The following ZNF799 variants were observed in gnomAD, a reference collection of about 807,000 sequenced individuals.
ZNF799 encodes the protein zinc finger protein 799.
Under a neutral mutation model 41.0 loss-of-function variants are expected in ZNF799, and 28 were observed. That is an observed-to-expected ratio of 0.68 (90% CI 0.51 to 0.94). ZNF799 has a LOEUF of 0.94. ZNF799 is among the 40% of genes least tolerant of loss of function. The pLI is 0.00. For missense variants in ZNF799, 716 were observed against 764.3 expected (o/e 0.94, Z 0.74); for synonymous variants, 213 against 252.9 (o/e 0.84, Z 1.50).
Position 12,391,437 on chromosome 19 carries a change from G to C in ZNF799, c.961C>G (p.Leu321Val), listed in dbSNP as rs760744028. 3 of 1,613,730 alleles carry C rather than the reference G, an allele frequency of 1.9e-6. No individual in the cohort carries two copies. The African/African-American group carries it at 4.0e-5, about 22-fold the overall frequency. Residue 321 changes from leucine (L) to valine (V), a missense_variant, in exon 4 of 4, where the codon CTG becomes GTG. Coordinates refer to ENST00000430385, the MANE Select transcript of ZNF799 (RefSeq NM_001080821.3). The part of the protein sequence containing the change: ...CQQCGKAFHH[L>V]GSFQRHMVMH... The stretch of plus-strand genomic sequence containing the variant: ...ACCATGTGTCTTTGAAAGCTTCCCA[G>C]ATGATGAAACGCTTTCCCACATTGC...
chr19:12,395,085 G>A (rs140160933), intron 1 of ZNF799: 2,633 of 155,246 alleles, frequency 0.017, 39 homozygotes, highest in Non-Finnish European at 0.026. Flanking sequence ...GCAAATTATT[G>A]CCTTGCATTT....
chr19:12,392,136 G>C lies in ZNF799; in HGVS notation c.262C>G (p.Gln88Glu). 1 of 1,613,266 alleles carries C rather than the reference G, an allele frequency of 6.2e-7. No individual in the cohort carries two copies. The highest frequency in any genetic ancestry group is 8.5e-7 in the Non-Finnish European group (1 of 1,179,530). ...TQCGETSSQIQDSIVTKNTLP... is the reference protein window; with the variant it reads ...TQCGETSSQIEDSIVTKNTLP... The stretch of plus-strand genomic sequence containing the variant: ...GTGTTCTTGGTCACAATACTATCTT[G>C]AATCTGGCTAGATGTTTCTCCACAT... The change falls in exon 4 of 4, where the codon CAA becomes GAA. Residue 88 changes from glutamine to glutamate, a missense_variant. Gln to Glu is a conservative substitution (Grantham distance 29). Around this residue, in one of 2 missense-constraint regions of ZNF799, gnomAD observed 698 missense variants for 713.6 expected, o/e 0.98. Transcript: ENST00000430385.
chr19:12,412,754 C>A, the ZNF799 span, among the ~76,000 whole-genome samples: 1 of 151,842 alleles, frequency 6.6e-6, no homozygotes, highest in African/African-American at 2.4e-5. Flanking sequence ...ACAATCTTAT[C>A]CTGGGCTGGG....
chr19:12,399,123 C>G (rs1318637118), intron 1 of ZNF799, among the ~76,000 whole-genome samples: 12 of 152,152 alleles, frequency 7.9e-5, no homozygotes, highest in Non-Finnish European at 1.6e-4. Flanking sequence ...GTAAACATAT[C>G]TTTTCAAGCT....
the ZNF799 span, among the ~76,000 whole-genome samples, chr19:12,406,576 G>A: frequency 4.0e-4 from 60 of 151,454 alleles, no homozygotes; most frequent in Non-Finnish European, 1.3e-4. Context: ...AAGAAAACCA[G>A]AAAACAGATG....
intron 1 of ZNF799, 155 bp downstream of exon 1, chr19:12,400,913 C>T (rs1264849690): frequency 1.4e-6 from 2 of 1,385,772 alleles, no homozygotes; most frequent in Non-Finnish European, 2.0e-6. Flanking sequence ...CATGCCCAGC[C>T]CCACCCTGCG....
chr19:12,392,755 G>C, intron 2 of ZNF799, 92 bp from the exon 3 acceptor site: 1 of 1,003,758 alleles, frequency 1.0e-6, no homozygotes, highest in Non-Finnish European at 1.5e-6. Context: ...CGTTCAAAAT[G>C]CATTCACTGA....
At position 12,390,715 on chromosome 19, in the gene ZNF799, C is replaced by T. The variant is rs560404164; in HGVS notation, c.1683G>A (p.Glu561=). Residue 561 remains glutamate, a synonymous_variant, in exon 4 of 4, where the codon GAG becomes GAA. Coordinates refer to ENST00000430385, the MANE Select transcript of ZNF799 (RefSeq NM_001080821.3). ...TGAAGGCTTTACCACATTGTTGACA[C>T]TCATAGGGTTTCTCTCTCATGTGAA... ...ERIHMREKPY[E]CQQCGKAFTH... The T allele has an allele frequency of 2.8e-5, 45 of 1,613,508 alleles. No homozygotes were observed. The Admixed American group carries it at 3.8e-4, about 14-fold the overall frequency.
Position 12,391,211 on chromosome 19 carries a change from T to C in ZNF799, c.1187A>G (p.Lys396Arg), listed in dbSNP as rs2144884020. 6.2e-7 allele frequency: 1 copy of C among 1,614,208 alleles called. No individual in the cohort carries two copies. The highest frequency in any genetic ancestry group is 1.7e-5 in the Admixed American group (1 of 60,026). Reference protein sequence around the residue: ...MHTGDGPHKCKICGKAFVYPS... With the variant: ...MHTGDGPHKCRICGKAFVYPS... ...ATAAACAAAGGCTTTCCCACATATC[T>C]TGCATTTGTGAGGTCCATCTCCAGT... The change falls in exon 4 of 4, where the codon AAG (lysine) becomes AGG (arginine). Residue 396 changes from lysine (K) to arginine (R), a missense_variant. Lys to Arg is a conservative substitution (Grantham distance 26). Around this residue, in one of 2 missense-constraint regions of ZNF799, gnomAD observed 698 missense variants for 713.6 expected, o/e 0.98. Coordinates refer to ENST00000430385, the MANE Select transcript of ZNF799 (RefSeq NM_001080821.3).
chr19:12,390,848 C>T lies in ZNF799; in HGVS notation c.1550G>A (p.Gly517Asp), dbSNP rs1408880392. The T allele has an allele frequency of 6.2e-7, 1 of 1,613,840 alleles. No individual in the cohort carries two copies. The highest frequency in any genetic ancestry group is 1.3e-5 in the African/African-American group (1 of 74,866). Residue 517 changes from glycine (G) to aspartate (D), a missense_variant, in exon 4 of 4, where the codon GGT (glycine) becomes GAT (aspartate). Transcript: ENST00000430385. The stretch of plus-strand genomic sequence containing the variant: ...AATTCTTTCATGTACTTTTAAGTTA[C>T]CAAAATGACTGAAGGCTTTCTTACA... ...NTCKKAFSHF[G>D]NLKVHERIHS...
the ZNF799 span, among the ~76,000 whole-genome samples, chr19:12,409,692 G>T: frequency 1.3e-5 from 2 of 152,164 alleles, no homozygotes; most frequent in African/African-American, 4.8e-5. Flanking sequence ...ATTCTGTAAA[G>T]TATGCAATCT....
chr19:12,410,940 C>T, the ZNF799 span, among the ~76,000 whole-genome samples: 1 of 152,106 alleles, frequency 6.6e-6, no homozygotes, highest in Non-Finnish European at 1.5e-5. Context: ...AACAAATGTC[C>T]CAAGAAAAAG....
chr19:12,397,400 T>TA (rs112413283), intron 1 of ZNF799, among the ~76,000 whole-genome samples: 1,368 of 134,248 alleles, frequency 0.01, 9 homozygotes, highest in African/African-American at 0.031. Context: ...AGGAAACGTG[T>TA]AAAAAAAAAA....
chr19:12,392,829 T>A (rs1187997395), intron 2 of ZNF799, among the ~76,000 whole-genome samples, 166 bp from the exon 3 acceptor site: 1 of 152,042 alleles, frequency 6.6e-6, no homozygotes, highest in Non-Finnish European at 1.5e-5. Context: ...TATACATATA[T>A]ATATGAATGT....
chr19:12,394,864 A>T (rs781070483), intron 1 of ZNF799: 27 of 985,188 alleles, frequency 2.7e-5, no homozygotes, highest in Non-Finnish European at 3.3e-5. Context: ...AAAAACAAAT[A>T]AAGGATTTTA....
At chr19:12,395,653 G>A (rs1969884631) in intron 1 of ZNF799, among the ~76,000 whole-genome samples, 1 of 152,310 alleles carries the variant, frequency 6.6e-6, no homozygotes, top group East Asian at 1.9e-4. Context: ...AAAGCACCCA[G>A]GTATCCTGGG....
the ZNF799 span, among the ~76,000 whole-genome samples, chr19:12,409,523 TCAA>T: frequency 1.3e-5 from 2 of 152,218 alleles, no homozygotes; most frequent in African/African-American, 4.8e-5. Context: ...ATAGCTGAAC[TCAA>T]CAGCATCATT....
intron 1 of ZNF799, among the ~76,000 whole-genome samples, chr19:12,397,789 A>G (rs1475233168): frequency 6.6e-6 from 1 of 152,172 alleles, no homozygotes; most frequent in Non-Finnish European, 1.5e-5. Context: ...ATATGAATAT[A>G]CCAATAAAAG....
At chr19:12,413,014 T>G in the ZNF799 span, among the ~76,000 whole-genome samples, 2 of 130,082 alleles carry the variant, frequency 1.5e-5, no homozygotes, top group Admixed American at 1.9e-4. Flanking sequence ...ACCATTGCAC[T>G]GCAGCATGGG....
Sources: gnomAD v4.1 joint callset for allele counts (sites outside exome capture counted in the v4.1 genomes callset) on GRCh38, gnomAD v4.1.1 for gene constraint, gnomAD v4.1.1 regional missense constraint, MANE v1.5 for transcripts, NCBI Gene and HGNC (gene_info 2026-07-23, HGNC 2026-07-21) for gene names.